SGCD: variants seen among roughly 807,000 people sequenced by gnomAD.
SGCD encodes the protein delta-sarcoglycan.
In SGCD, 18 loss-of-function variants were observed where a neutral mutation model predicts 36.6. The observed-to-expected ratio is 0.49, with a 90% CI of 0.34 to 0.73. The LOEUF is 0.73. Ranked by LOEUF, SGCD falls within the 30% of genes least tolerant of loss-of-function variation. SGCD has a pLI of 0.01. For missense variants in SGCD, 387 were observed against 346.7 expected (o/e 1.12, Z -0.92); for synonymous variants, 133 against 130.6 (o/e 1.02, Z -0.12).
intron 1 of SGCD, among the ~76,000 whole-genome samples, chr5:155,963,222 C>T (rs966632817): frequency 6.6e-6 from 1 of 152,040 alleles, no homozygotes; most frequent in Non-Finnish European, 1.5e-5. Context: ...CAATAAAAAG[C>T]TTTCTTAACT....
chr5:156,621,405 C>T (rs901075294), intron 6 of SGCD, among the ~76,000 whole-genome samples: 5 of 152,236 alleles, frequency 3.3e-5, no homozygotes. Flanking sequence ...ATTGACCAGG[C>T]TTGTCTCCAA....
At chr5:156,080,049 G>A (rs185850091) in intron 1 of SGCD, among the ~76,000 whole-genome samples, 2 of 152,234 alleles carry the variant, frequency 1.3e-5, no homozygotes, top group Admixed American at 6.5e-5. Flanking sequence ...GGCAGAGGCT[G>A]CCATGTCTCC....
At chr5:156,249,132 A>G (rs888965678) in intron 3 of SGCD, among the ~76,000 whole-genome samples, 6 of 152,212 alleles carry the variant, frequency 3.9e-5, no homozygotes, top group Non-Finnish European at 8.8e-5. Flanking sequence ...ATAAGTAGAA[A>G]TCCAAGCCAT....
rs926502184 is a variant in SGCD, at chr5:156,764,997, T to C, written c.*5607T>C. On this transcript the variant is annotated 3_prime_UTR_variant, in exon 9 of 9. Coordinates refer to ENST00000337851, the MANE Select transcript of SGCD (RefSeq NM_000337.6). ...CCAGAGTGGGGTTCCAAATGCCTCA[T>C]TAAGTATGTGGACAGCCTCACTAGT... 8 of 152,206 alleles carry C rather than the reference T, an allele frequency of 5.3e-5. No individual in the cohort carries two copies. Among genetic ancestry groups the C allele is most frequent in the African/African-American group, 1.9e-4 (8 of 41,452 alleles). 9.4% of individuals were successfully genotyped at this position (152,206 alleles called of 1,614,324 possible).
At chr5:156,517,315 A>G (rs1357614674) in intron 4 of SGCD, among the ~76,000 whole-genome samples, 1 of 152,202 alleles carries the variant, frequency 6.6e-6, no homozygotes, top group African/African-American at 2.4e-5. Flanking sequence ...TGGAATGAAC[A>G]AAGCTGCCAT....
At chr5:156,695,390 T>C (rs1271576292) in intron 7 of SGCD, among the ~76,000 whole-genome samples, 1 of 152,092 alleles carries the variant, frequency 6.6e-6, no homozygotes, top group Admixed American at 6.6e-5. Context: ...GCCTTCCAAA[T>C]TGCATGGCAA....
At chr5:156,031,115 G>T (rs999708542) in intron 1 of SGCD, among the ~76,000 whole-genome samples, 2 of 152,292 alleles carry the variant, frequency 1.3e-5, no homozygotes, top group East Asian at 1.9e-4. Context: ...ATATTGTATG[G>T]AGCAGAAGTT....
At chr5:156,278,505 T>C (rs576582507) in intron 3 of SGCD, among the ~76,000 whole-genome samples, 2 of 152,216 alleles carry the variant, frequency 1.3e-5, no homozygotes, top group East Asian at 1.9e-4. Flanking sequence ...CTCAAGATAA[T>C]TGTTTTTCCC....
intron 3 of SGCD, among the ~76,000 whole-genome samples, chr5:156,194,459 T>C (rs1763972292): frequency 6.6e-6 from 1 of 152,150 alleles, no homozygotes; most frequent in Non-Finnish European, 1.5e-5. Context: ...CTACTTTTAT[T>C]ATTGTTGAGA....
intron 1 of SGCD, among the ~76,000 whole-genome samples, chr5:155,941,530 AAC>A (rs1561657397): frequency 6.6e-6 from 1 of 150,980 alleles, no homozygotes; most frequent in Non-Finnish European, 1.5e-5. Context: ...TGCTATTAAT[AAC>A]CATTGATATT....
the SGCD span, among the ~76,000 whole-genome samples, chr5:155,754,520 A>G: frequency 1.3e-5 from 2 of 152,224 alleles, no homozygotes; most frequent in Admixed American, 6.5e-5. Flanking sequence ...AGTAGGAGGA[A>G]TGAGATAACA....
the SGCD span, among the ~76,000 whole-genome samples, chr5:155,845,001 AT>A: frequency 1.7e-4 from 26 of 151,962 alleles, no homozygotes; most frequent in Non-Finnish European, 2.9e-4. Flanking sequence ...TACATCAGGT[AT>A]TTCTCCTAAT....
chr5:156,366,483 G>A (rs1221047572), intron 3 of SGCD, among the ~76,000 whole-genome samples: 1 of 152,124 alleles, frequency 6.6e-6, no homozygotes, highest in African/African-American at 2.4e-5. Context: ...ACCCACTTTG[G>A]AATCAGCAAA....
At chr5:156,597,834 A>G (rs993254156) in intron 6 of SGCD, among the ~76,000 whole-genome samples, 3 of 152,194 alleles carry the variant, frequency 2.0e-5, no homozygotes, top group African/African-American at 7.2e-5. Flanking sequence ...CACCTCAGAA[A>G]CACCTTGTGG....
intron 3 of SGCD, among the ~76,000 whole-genome samples, chr5:156,293,120 C>T (rs1228425480): frequency 6.6e-6 from 1 of 151,684 alleles, no homozygotes; most frequent in East Asian, 1.9e-4. Context: ...AGTGCAGTGG[C>T]TATTCAGAAG....
intron 7 of SGCD, among the ~76,000 whole-genome samples, chr5:156,715,699 A>G (rs1212275517): frequency 6.6e-6 from 1 of 152,236 alleles, no homozygotes; most frequent in East Asian, 1.9e-4. Flanking sequence ...CTGGTTAATT[A>G]ACCTGCCTGG....
chr5:156,303,733 G>A (rs771364140), intron 3 of SGCD, among the ~76,000 whole-genome samples: 2 of 151,712 alleles, frequency 1.3e-5, no homozygotes, highest in African/African-American at 2.4e-5. Context: ...ATGGCCTAGG[G>A]TGTGTCTATA....
At chr5:156,153,965 A>G (rs1482276456) in intron 3 of SGCD, among the ~76,000 whole-genome samples, 3 of 151,642 alleles carry the variant, frequency 2.0e-5, no homozygotes, top group African/African-American at 7.3e-5. Flanking sequence ...TGCACACGAC[A>G]TGTTACCTGG....
chr5:156,635,364 T>C (rs546109324), intron 6 of SGCD, among the ~76,000 whole-genome samples: 2 of 152,238 alleles, frequency 1.3e-5, no homozygotes, highest in Admixed American at 1.3e-4. Context: ...AGAATGGCGA[T>C]CATTAAAAAG....
Sources: allele counts gnomAD v4.1 joint callset (sites outside exome capture counted in the v4.1 genomes callset), GRCh38; gene constraint gnomAD v4.1.1; transcripts MANE v1.5; gene names NCBI Gene and HGNC (gene_info 2026-07-23, HGNC 2026-07-21).